RBP2: variants seen among roughly 807,000 people sequenced by gnomAD.
The protein encoded by RBP2 is retinol binding protein 2, also known as retinol-binding protein 2.
Under a neutral mutation model 17.0 loss-of-function variants are expected in RBP2, and 17 were observed. The ratio of observed to expected loss-of-function variants is 1.00; its 90% CI spans 0.68 to 1.50. RBP2 has a LOEUF of 1.50. Ranked by LOEUF, RBP2 falls within the 40% of genes most tolerant of loss-of-function variation. The probability of loss-of-function intolerance (pLI) is 0.00; values close to 1 mark genes in which losing one functional copy is unlikely to be tolerated. For missense variants in RBP2, 158 were observed against 168.2 expected (o/e 0.94, Z 0.33); for synonymous variants, 48 against 57.1 (o/e 0.84, Z 0.72).
intron 1 of RBP2, among the ~76,000 whole-genome samples, chr3:139,474,739 C>T (rs1933677355): frequency 6.6e-6 from 1 of 152,202 alleles, no homozygotes; most frequent in Admixed American, 6.5e-5. Context: ...AAGCCCTGGA[C>T]TCTAGTCCGA....
At position 139,476,492 on chromosome 3, in the gene RBP2, G is replaced by C. The variant is rs770932169; in HGVS notation, c.-33C>G. The C allele has an allele frequency of 1.2e-6, 2 of 1,600,318 alleles. No homozygotes were observed. The highest frequency in any genetic ancestry group is 1.7e-6 in the Non-Finnish European group (2 of 1,167,662). On this transcript the variant is annotated 5_prime_UTR_variant, in exon 1 of 4. Transcript: ENST00000232217. The stretch of plus-strand genomic sequence containing the variant: ...GCCACTGGTTCGGTGAGGGTTTGTG[G>C]TGGATGGCAAGGAGCAGGCTGCAGG...
At chr3:139,474,335 C>G (rs979838930) in intron 1 of RBP2, among the ~76,000 whole-genome samples, 1 of 152,104 alleles carries the variant, frequency 6.6e-6, no homozygotes, top group Non-Finnish European at 1.5e-5. Flanking sequence ...ATCCTCCCAA[C>G]CCCCAGGAGG....
chr3:139,474,702 TA>T (rs1033640935), intron 1 of RBP2, among the ~76,000 whole-genome samples: 2 of 152,174 alleles, frequency 1.3e-5, no homozygotes, highest in African/African-American at 4.8e-5. Context: ...TCCAAAAGGT[TA>T]AAAAACTGGT....
intron 1 of RBP2, among the ~76,000 whole-genome samples, chr3:139,462,558 A>AACACACACACACACAC (rs59601422): frequency 0.024 from 2,870 of 121,324 alleles, 183 homozygotes; most frequent in African/African-American, 0.073. Flanking sequence ...GCAGCTCCCC[A>AACACACACACACACAC]ACACACACAC....
intron 3 of RBP2, among the ~76,000 whole-genome samples, chr3:139,454,155 A>G (rs1365964214): frequency 6.6e-6 from 1 of 152,222 alleles, no homozygotes; most frequent in Non-Finnish European, 1.5e-5. Flanking sequence ...AAGTGCCTTG[A>G]AGATTGAAGA....
intron 2 of RBP2, among the ~76,000 whole-genome samples, chr3:139,460,298 G>A (rs1933143033): frequency 1.3e-5 from 2 of 152,180 alleles, no homozygotes; most frequent in South Asian, 4.1e-4. Flanking sequence ...ATCCCCTCAG[G>A]GAGGGGTTCC....
chr3:139,456,252 C>G (rs1932955388), intron 2 of RBP2, among the ~76,000 whole-genome samples: 1 of 152,092 alleles, frequency 6.6e-6, no homozygotes, highest in African/African-American at 2.4e-5. Flanking sequence ...GATAAACTGA[C>G]CTGTGGTTTT....
intron 2 of RBP2, among the ~76,000 whole-genome samples, chr3:139,460,094 A>C (rs965004722): frequency 2.0e-5 from 3 of 152,230 alleles, no homozygotes; most frequent in African/African-American, 7.2e-5. Context: ...GTCAGAGAGG[A>C]CAGGCCTGCT....
chr3:139,472,097 T>G (rs149165725), intron 1 of RBP2, among the ~76,000 whole-genome samples: 8 of 152,308 alleles, frequency 5.3e-5, no homozygotes, highest in African/African-American at 1.7e-4. Flanking sequence ...TATGCCTGAC[T>G]CCATCTCTGC....
intron 2 of RBP2, 73 bp from the exon 3 acceptor site, chr3:139,454,903 C>T: frequency 7.0e-7 from 1 of 1,423,230 alleles, no homozygotes; most frequent in South Asian, 1.2e-5. Flanking sequence ...CCTGCAGCTG[C>T]AATTCCTGCA....
At chr3:139,467,091 T>C (rs1178875182) in intron 1 of RBP2, among the ~76,000 whole-genome samples, 1 of 152,210 alleles carries the variant, frequency 6.6e-6, no homozygotes, top group African/African-American at 2.4e-5. Context: ...CTTCTTGCTC[T>C]GTGTTCTTCC....
chr3:139,472,783 T>G (rs969323713), intron 1 of RBP2, among the ~76,000 whole-genome samples: 2 of 152,206 alleles, frequency 1.3e-5, no homozygotes, highest in African/African-American at 4.8e-5. Context: ...CCACTACGTT[T>G]TGGGGGTAAT....
At position 139,468,208 on chromosome 3, in the gene RBP2, G is replaced by A. The variant is rs376706629; in HGVS notation, c.74-5918C>T. Among the ~76,000 whole-genome samples the A allele has an allele frequency of 1.9e-4, 29 of 152,292 alleles. No homozygotes were observed. The South Asian group carries it at 3.5e-3, about 18-fold the overall frequency. ...CTCAATGGATGTGGAAACTGAGGCC[G>A]TGAGAATTTAAGTGGTGAGCTCAGA... On this transcript the variant is annotated intron_variant, in intron 1 of 3. Transcript: ENST00000232217.
intron 1 of RBP2, among the ~76,000 whole-genome samples, chr3:139,466,232 T>C (rs1454441797): frequency 6.6e-6 from 1 of 152,130 alleles, no homozygotes; most frequent in African/African-American, 2.4e-5. Flanking sequence ...ACGGAGCCCC[T>C]CTGTGGAGGA....
At chr3:139,468,647 A>G (rs1933442585) in intron 1 of RBP2, among the ~76,000 whole-genome samples, 1 of 151,376 alleles carries the variant, frequency 6.6e-6, no homozygotes, top group East Asian at 1.9e-4. Context: ...GAGGATGTAG[A>G]ACACACACAC....
At chr3:139,454,688 T>C in intron 3 of RBP2, 41 bp downstream of exon 3, 1 of 1,592,782 alleles carries the variant, frequency 6.3e-7, no homozygotes, top group South Asian at 1.1e-5. Flanking sequence ...GTAGCGTGTG[T>C]AAGCACAATG....
At chr3:139,467,078 C>T (rs1461418410) in intron 1 of RBP2, among the ~76,000 whole-genome samples, 4 of 152,188 alleles carry the variant, frequency 2.6e-5, no homozygotes, top group Non-Finnish European at 5.9e-5. Flanking sequence ...AGGACAATGA[C>T]ATCTTCTTGC....
chr3:139,465,030 G>A (rs1477516137), intron 1 of RBP2, among the ~76,000 whole-genome samples: 1 of 152,228 alleles, frequency 6.6e-6, no homozygotes, highest in African/African-American at 2.4e-5. Flanking sequence ...AGATGATGAA[G>A]TAAGACCTAG....
Position 139,462,321 on chromosome 3 carries a change from A to G in RBP2, c.74-31T>C, listed in dbSNP as rs766766809. On this transcript the variant is annotated intron_variant, in intron 1 of 3. Transcript: ENST00000232217. ...GGCAAAGGGAGTTGTGGAGGTTATGATGTGCTCAGCCAGACTCATTCATTT... is the reference window on the plus strand; with the variant it reads ...GGCAAAGGGAGTTGTGGAGGTTATGGTGTGCTCAGCCAGACTCATTCATTT... The G allele has an allele frequency of 5.0e-6, 8 of 1,610,288 alleles. No homozygotes were observed. In the East Asian group the frequency reaches 1.8e-4, roughly 36 times the overall value.
Sources: allele counts gnomAD v4.1 joint callset (sites outside exome capture counted in the v4.1 genomes callset), GRCh38; gene constraint gnomAD v4.1.1; transcripts MANE v1.5; gene names NCBI Gene and HGNC (gene_info 2026-07-23, HGNC 2026-07-21).